The following FCHSD2 variants were observed in gnomAD, a reference collection of about 807,000 sequenced individuals.
FCHSD2 encodes the protein F-BAR and double SH3 domains protein 2.
FCHSD2 carries 38 observed loss-of-function variants against 108.1 expected under a neutral mutation model. That is an observed-to-expected ratio of 0.35 (90% confidence interval 0.27 to 0.46). The LOEUF (loss-of-function observed/expected upper bound fraction) is 0.46, where lower values mean the gene tolerates loss of function less well. FCHSD2 is among the 20% of genes least tolerant of loss of function. The pLI, the probability that FCHSD2 is intolerant of heterozygous loss-of-function variation, is 1.00. For synonymous variants in FCHSD2, 279 were observed against 314.7 expected, an observed-to-expected ratio of 0.89 and a Z score of 1.20; for missense variants, 751 against 897.8, an observed-to-expected ratio of 0.84 and a Z score of 2.09.
intron 3 of FCHSD2, among the ~76,000 whole-genome samples, chr11:73,017,620 C>T (rs767269194): frequency 7.2e-5 from 11 of 152,164 alleles, no homozygotes; most frequent in Non-Finnish European, 1.3e-4. Context: ...AACTACATAT[C>T]CGTAACAGTT....
chr11:72,977,728 G>A (rs1369681727), intron 8 of FCHSD2, among the ~76,000 whole-genome samples: 7 of 152,196 alleles, frequency 4.6e-5, no homozygotes. Flanking sequence ...CTGTTGGTGG[G>A]ACTGTAAACT....
intron 8 of FCHSD2, among the ~76,000 whole-genome samples, chr11:72,962,474 G>C (rs551362190): frequency 6.6e-6 from 1 of 152,190 alleles, no homozygotes; most frequent in African/African-American, 2.4e-5. Context: ...GAGAACCTCT[G>C]GTATAAGCGA....
At chr11:73,079,090 G>A (rs974445706) in intron 3 of FCHSD2, among the ~76,000 whole-genome samples, 4 of 152,040 alleles carry the variant, frequency 2.6e-5, no homozygotes, top group African/African-American at 9.7e-5. Flanking sequence ...TTATCAAACA[G>A]TGTACTAAGG....
intron 14 of FCHSD2, among the ~76,000 whole-genome samples, chr11:72,848,130 C>T (rs778619300): frequency 7.9e-5 from 12 of 152,154 alleles, no homozygotes; most frequent in Non-Finnish European, 5.9e-5. Context: ...ATATCTATAC[C>T]ATGACCAGGT....
intron 3 of FCHSD2, among the ~76,000 whole-genome samples, chr11:73,035,256 G>A (rs533474976): frequency 6.6e-6 from 1 of 152,078 alleles, no homozygotes; most frequent in Non-Finnish European, 1.5e-5. Context: ...GCAGTGGCGC[G>A]ATCTTGGCTC....
At chr11:72,969,074 A>G (rs10736791) in intron 8 of FCHSD2, among the ~76,000 whole-genome samples, 145,534 of 152,254 alleles carry the variant, frequency 0.96, 69,801 homozygotes, top group East Asian at 1. Flanking sequence ...TTAAAATAGT[A>G]TACCTGGGGT....
chr11:73,046,180 A>C (rs2135469722), intron 3 of FCHSD2, among the ~76,000 whole-genome samples: 1 of 152,216 alleles, frequency 6.6e-6, no homozygotes, highest in South Asian at 2.1e-4. Flanking sequence ...TTGTAAAGAC[A>C]GGGGTCTTGC....
At chr11:73,096,377 C>CAAAAAAAA (rs767268719) in intron 2 of FCHSD2, among the ~76,000 whole-genome samples, 2 of 68,358 alleles carry the variant, frequency 2.9e-5, no homozygotes, top group Non-Finnish European at 5.6e-5. Context: ...CCTGCCTCTA[C>CAAAAAAAA]AAAAAAAAAA....
intron 13 of FCHSD2, among the ~76,000 whole-genome samples, chr11:72,853,122 A>G (rs140212673): frequency 6.6e-6 from 1 of 152,316 alleles, no homozygotes; most frequent in African/African-American, 2.4e-5. Flanking sequence ...AAACCTGCAC[A>G]TGTACTCTTG....
chr11:72,872,671 T>A (rs968715346), intron 12 of FCHSD2, among the ~76,000 whole-genome samples: 4 of 152,220 alleles, frequency 2.6e-5, no homozygotes, highest in Admixed American at 1.3e-4. Flanking sequence ...TGGATATACA[T>A]TAGAATGTTT....
intron 5 of FCHSD2, among the ~76,000 whole-genome samples, chr11:72,992,144 A>C (rs1243927158): frequency 8.5e-5 from 13 of 152,254 alleles, no homozygotes; most frequent in South Asian, 8.3e-4. Context: ...CCAAATCATG[A>C]GTGAACTCCC....
intron 2 of FCHSD2, among the ~76,000 whole-genome samples, chr11:73,084,623 C>T (rs766646591): frequency 1.3e-5 from 2 of 152,198 alleles, no homozygotes; most frequent in Non-Finnish European, 2.9e-5. Context: ...GAACTCCTGG[C>T]CTCAAAGCAA....
intron 8 of FCHSD2, among the ~76,000 whole-genome samples, chr11:72,959,577 C>A (rs1192467149): frequency 2.6e-5 from 4 of 151,946 alleles, no homozygotes; most frequent in Non-Finnish European, 5.9e-5. Context: ...ACTCTGAGAC[C>A]GTCAATTTAG....
intron 8 of FCHSD2, among the ~76,000 whole-genome samples, chr11:72,953,813 G>A (rs78519750): frequency 0.013 from 2,031 of 152,270 alleles, 46 homozygotes; most frequent in African/African-American, 0.047. Context: ...AGGGAGTATC[G>A]AGTTCTGTGG....
intron 8 of FCHSD2, among the ~76,000 whole-genome samples, chr11:72,981,521 T>C (rs1471064972): frequency 6.6e-6 from 1 of 152,230 alleles, no homozygotes; most frequent in Non-Finnish European, 1.5e-5. Context: ...TTAAAAATAT[T>C]CATAGGGAAA....
intron 12 of FCHSD2, among the ~76,000 whole-genome samples, chr11:72,872,756 G>A (rs918018012): frequency 6.6e-6 from 1 of 152,118 alleles, no homozygotes. Flanking sequence ...CTATAAACGT[G>A]TGTGTATAAA....
rs1362627188 is a variant in FCHSD2, at chr11:73,094,421, C to T, written c.120-10681G>A. Among the ~76,000 whole-genome samples the T allele has an allele frequency of 7.4e-4, 113 of 151,964 alleles. 2 individuals carry two copies. Among genetic ancestry groups the T allele is most frequent in the Non-Finnish European group, 8.8e-5 (6 of 67,998 alleles). On this transcript the variant is annotated intron_variant, in intron 2 of 19. Coordinates refer to ENST00000409418, the MANE Select transcript of FCHSD2 (RefSeq NM_014824.3). ...TAACAATTCCAATACTAGTTATATA[C>T]CAAGAAAAATGAAAACGTGTCCACA...
intron 2 of FCHSD2, among the ~76,000 whole-genome samples, chr11:73,089,727 A>G (rs1463648374): frequency 6.6e-6 from 1 of 152,244 alleles, no homozygotes; most frequent in African/African-American, 2.4e-5. Flanking sequence ...AAGTGTCTAG[A>G]ATAAGCAAGT....
At chr11:73,022,338 A>G (rs1257101841) in intron 3 of FCHSD2, among the ~76,000 whole-genome samples, 1 of 152,188 alleles carries the variant, frequency 6.6e-6, no homozygotes, top group East Asian at 1.9e-4. Flanking sequence ...TTATTCATAG[A>G]TGACATGATT....
Sources: gnomAD v4.1 joint callset for allele counts (sites outside exome capture counted in the v4.1 genomes callset) on GRCh38, gnomAD v4.1.1 for gene constraint, MANE v1.5 for transcripts, NCBI Gene and HGNC (gene_info 2026-07-23, HGNC 2026-07-21) for gene names.